Variants in NPEPPS observed in about 807,000 individuals in gnomAD.
NPEPPS encodes the protein puromycin-sensitive aminopeptidase.
Under a neutral mutation model 115.5 loss-of-function variants are expected in NPEPPS, and 14 were observed. That is an observed-to-expected ratio of 0.12 (90% CI 0.08 to 0.19). The LOEUF is 0.19. Ranked by LOEUF, NPEPPS falls within the 10% of genes least tolerant of loss-of-function variation. The probability of loss-of-function intolerance (pLI) is 1.00; values close to 1 mark genes in which losing one functional copy is unlikely to be tolerated. For missense variants in NPEPPS, 523 were observed against 1,110.8 expected, an observed-to-expected ratio of 0.47 and a Z score of 7.52; for synonymous variants, 285 against 390.6, an observed-to-expected ratio of 0.73 and a Z score of 3.19.
chr17:47,612,053 T>A (rs912972232), intron 17 of NPEPPS, among the ~76,000 whole-genome samples: 1 of 152,246 alleles, frequency 6.6e-6, no homozygotes, highest in African/African-American at 2.4e-5. Flanking sequence ...AGATTTTGAT[T>A]TTTAAAATCT....
chr17:47,527,493 C>T (rs932137953), upstream of NPEPPS, among the ~76,000 whole-genome samples: 6 of 149,854 alleles, frequency 4.0e-5, no homozygotes, highest in African/African-American at 1.5e-4. Flanking sequence ...TCAAAAAAAA[C>T]CCAAAACAAA....
At chr17:47,571,088 A>G (rs1053892943) in intron 3 of NPEPPS, among the ~76,000 whole-genome samples, 7 of 152,230 alleles carry the variant, frequency 4.6e-5, no homozygotes, top group Non-Finnish European at 1.0e-4. Flanking sequence ...ATATATATCT[A>G]TATAGTGAAA....
At position 47,568,355 on chromosome 17, in the gene NPEPPS, A is replaced by G. The variant is rs528790489; in HGVS notation, c.341-1062A>G. Among the ~76,000 whole-genome samples the G allele has an allele frequency of 3.3e-5, 5 of 152,078 alleles. No homozygotes were observed. In the East Asian group the frequency reaches 9.7e-4, roughly 29 times the overall value. The stretch of plus-strand genomic sequence containing the variant: ...CTGGCTAAGTTTTGTATTTTTAGTA[A>G]AAATGGGGTTTCGCCATGTTGGCCA... On this transcript the variant is annotated intron_variant, in intron 2 of 22. Coordinates refer to ENST00000322157, the MANE Select transcript of NPEPPS (RefSeq NM_006310.4).
upstream of NPEPPS, among the ~76,000 whole-genome samples, chr17:47,526,424 A>G (rs1907435152): frequency 6.6e-6 from 1 of 152,188 alleles, no homozygotes; most frequent in African/African-American, 2.4e-5. Context: ...TTCCAGCAAT[A>G]ATGCCTGAGC....
intron 4 of NPEPPS, chr17:47,581,325 G>C (rs1021501321): frequency 6.6e-6 from 1 of 152,016 alleles, no homozygotes; most frequent in Non-Finnish European, 1.5e-5. Context: ...TTTAGATTCC[G>C]ATAATTTTTC....
upstream of NPEPPS, among the ~76,000 whole-genome samples, chr17:47,530,058 T>C (rs1289221066): frequency 6.8e-6 from 1 of 146,064 alleles, no homozygotes; most frequent in East Asian, 2.0e-4. Flanking sequence ...TACCTCAGCC[T>C]CCCGAATAGC....
intron 1 of NPEPPS, among the ~76,000 whole-genome samples, chr17:47,532,033 T>C (rs1597804097): frequency 6.6e-6 from 1 of 150,968 alleles, no homozygotes. Context: ...TTGGAGGGGG[T>C]GGTCATTTGG....
intron 1 of NPEPPS, among the ~76,000 whole-genome samples, chr17:47,531,765 G>T (rs1907795108): frequency 6.6e-6 from 1 of 152,042 alleles, no homozygotes; most frequent in Non-Finnish European, 1.5e-5. Flanking sequence ...CGTGGCCGGA[G>T]CTGAGGCTGG....
chr17:47,622,003 A>G lies in NPEPPS; in HGVS notation c.*83A>G, dbSNP rs368206440. 3 of 1,416,976 alleles carry G rather than the reference A, an allele frequency of 2.1e-6. No individual in the cohort carries two copies. The highest frequency in any genetic ancestry group is 2.8e-6 in the Non-Finnish European group (3 of 1,073,734). The allele number at this position is 1,416,976 out of a possible 1,614,324, so 87.8% of individuals were successfully genotyped here. A position where few individuals can be genotyped will look rare whatever the true frequency, so the allele number is the denominator to read the frequency against. ...TACCGAACAGCTGATTCATATGCCAAGAATTTGGAGTCTTCTTTCAAACCA... is the reference window on the plus strand; with the variant it reads ...TACCGAACAGCTGATTCATATGCCAGGAATTTGGAGTCTTCTTTCAAACCA... On this transcript the variant is annotated 3_prime_UTR_variant, in exon 23 of 23. Coordinates refer to ENST00000322157, the MANE Select transcript of NPEPPS (RefSeq NM_006310.4).
intron 1 of NPEPPS, among the ~76,000 whole-genome samples, chr17:47,535,303 G>A (rs1435418488): frequency 7.2e-6 from 1 of 137,982 alleles, no homozygotes; most frequent in East Asian, 2.3e-4. Flanking sequence ...TGTAATCCCA[G>A]CACTTTGGGA....
intron 2 of NPEPPS, among the ~76,000 whole-genome samples, chr17:47,553,678 A>C (rs1909800833): frequency 6.6e-6 from 1 of 152,222 alleles, no homozygotes; most frequent in Non-Finnish European, 1.5e-5. Context: ...GTAAGAAATT[A>C]ACAAAAGCTA....
At chr17:47,537,585 C>T (rs564570445) in intron 1 of NPEPPS, among the ~76,000 whole-genome samples, 3 of 151,966 alleles carry the variant, frequency 2.0e-5, no homozygotes, top group South Asian at 2.1e-4. Context: ...CCCAGCTACT[C>T]GGGAAGCTGA....
In NPEPPS at chr17:47,576,441, G is replaced by A. The variant is rs534553217; in HGVS notation, c.419-2949G>A. Among the ~76,000 whole-genome samples the A allele has an allele frequency of 5.9e-5, 9 of 152,266 alleles. No individual in the cohort carries two copies. The East Asian group carries it at 1.5e-3, about 26-fold the overall frequency. On this transcript the variant is annotated intron_variant, in intron 3 of 22. Transcript: ENST00000322157. ...CGGGAGCCGAAGGTTGCAGTGAGCC[G>A]AGATTGCACCACTGCACTTTAGCCT...
At chr17:47,603,835 G>A in intron 15 of NPEPPS, 80 bp from the exon 16 acceptor site, 1 of 1,346,502 alleles carries the variant, frequency 7.4e-7, no homozygotes. Flanking sequence ...TCTAAAACCA[G>A]AACTCCTTTT....
intron 2 of NPEPPS, among the ~76,000 whole-genome samples, chr17:47,568,675 GA>G (rs2143799734): frequency 6.6e-6 from 1 of 150,940 alleles, no homozygotes; most frequent in African/African-American, 2.4e-5. Flanking sequence ...TTTTTTTTGA[GA>G]CAGAGTTTCT....
chr17:47,552,226 G>A (rs773264071), intron 2 of NPEPPS, among the ~76,000 whole-genome samples: 9 of 152,210 alleles, frequency 5.9e-5, no homozygotes, highest in Admixed American at 1.3e-4. Flanking sequence ...GCTTCCCAAA[G>A]TGCTGGGATT....
chr17:47,574,345 CGTAGATTGAATTGTTGTTCAGCAT>C (rs1462334518), intron 3 of NPEPPS, among the ~76,000 whole-genome samples: 1 of 151,570 alleles, frequency 6.6e-6, no homozygotes, highest in Non-Finnish European at 1.5e-5. Context: ...AAAATAAAAG[CGTAGATTGAATTGTTGTTCAGCAT>C]TAGGAAATAT....
At position 47,543,223 on chromosome 17, in the gene NPEPPS, C is replaced by T. The variant is rs185629539; in HGVS notation, c.256-2686C>T. Among the ~76,000 whole-genome samples the T allele has an allele frequency of 1.2e-3, 181 of 149,964 alleles. 1 individual carries two copies. Among genetic ancestry groups the T allele is most frequent in the African/African-American group, 4.2e-3 (173 of 40,950 alleles). On this transcript the variant is annotated intron_variant, in intron 1 of 22. Transcript: ENST00000322157. The stretch of plus-strand genomic sequence containing the variant: ...CAGTGGAAAAACTTAATGGCGCGCA[C>T]ACACACACACACGAGAAAAGATGCG...
In NPEPPS at chr17:47,569,409, C is replaced by T. The variant is rs1489995961; in HGVS notation, c.341-8C>T. ...AGAATTGTAAAGTAATTTTTTTTCTCATTCCAGAAATACATGCTACAGGAT... is the reference window on the plus strand; with the variant it reads ...AGAATTGTAAAGTAATTTTTTTTCTTATTCCAGAAATACATGCTACAGGAT... On this transcript the variant is annotated splice_polypyrimidine_tract_variant and splice_region_variant and intron_variant, in intron 2 of 22. Transcript: ENST00000322157. 5.3e-6 allele frequency: 8 copies of T among 1,520,920 alleles called. No individual in the cohort carries two copies. The East Asian group carries it at 9.0e-5, about 17-fold the overall frequency. 94.2% of individuals were successfully genotyped at this position (1,520,920 alleles called of 1,614,324 possible). A position where few individuals can be genotyped will look rare whatever the true frequency, so the allele number is the denominator to read the frequency against.
Sources: gnomAD v4.1 joint callset for allele counts (sites outside exome capture counted in the v4.1 genomes callset) on GRCh38, gnomAD v4.1.1 for gene constraint, MANE v1.5 for transcripts, NCBI Gene and HGNC (gene_info 2026-07-23, HGNC 2026-07-21) for gene names.